Variants in FUT8 observed in about 807,000 individuals in gnomAD.
FUT8 encodes alpha-(1,6)-fucosyltransferase.
Under a neutral mutation model 71.3 loss-of-function variants are expected in FUT8, and 29 were observed. The observed-to-expected ratio is 0.41, with a 90% CI of 0.30 to 0.55. FUT8 has a LOEUF of 0.55. Ranked by LOEUF, FUT8 falls within the 20% of genes least tolerant of loss-of-function variation. The pLI is 0.34. For missense variants in FUT8, 544 were observed against 702.1 expected (o/e 0.77, Z 2.55); for synonymous variants, 254 against 239.3 (o/e 1.06, Z -0.57).
chr14:65,697,137 G>T (rs928297198), intron 7 of FUT8, among the ~76,000 whole-genome samples: 2 of 152,144 alleles, frequency 1.3e-5, no homozygotes, highest in African/African-American at 4.8e-5. Flanking sequence ...TGAGGTATTG[G>T]ATAAAAAGGA....
At chr14:65,724,397 CT>C in intron 9 of FUT8, 74 bp downstream of exon 9, 1 of 913,894 alleles carries the variant, frequency 1.1e-6, no homozygotes, top group Non-Finnish European at 1.6e-6. Flanking sequence ...CTTCCCATGA[CT>C]TGTGATTTTT....
intron 2 of FUT8, among the ~76,000 whole-genome samples, chr14:65,534,131 C>G (rs964353770): frequency 6.8e-6 from 1 of 148,054 alleles, no homozygotes; most frequent in Non-Finnish European, 1.5e-5. Flanking sequence ...TTTTTTTTGT[C>G]TTTGTTTTTT....
chr14:65,530,241 A>G (rs1883849991), intron 2 of FUT8, among the ~76,000 whole-genome samples: 2 of 152,252 alleles, frequency 1.3e-5, no homozygotes, highest in South Asian at 2.1e-4. Flanking sequence ...CCTACATACT[A>G]CAGTCCCAAA....
chr14:65,712,607 G>T (rs1894860687), intron 7 of FUT8, among the ~76,000 whole-genome samples: 2 of 152,104 alleles, frequency 1.3e-5, no homozygotes, highest in Admixed American at 6.5e-5. Flanking sequence ...ACCACACCCG[G>T]CTAATTTTTG....
At chr14:65,645,535 C>T (rs188198392) in intron 6 of FUT8, among the ~76,000 whole-genome samples, 1 of 152,230 alleles carries the variant, frequency 6.6e-6, no homozygotes, top group African/African-American at 2.4e-5. Flanking sequence ...ATTTGTGGTA[C>T]ATAACATTTG....
chr14:65,580,472 ATCTT>A (rs1169029398), intron 3 of FUT8, among the ~76,000 whole-genome samples: 1 of 151,900 alleles, frequency 6.6e-6, no homozygotes, highest in Non-Finnish European at 1.5e-5. Flanking sequence ...TGTATTTTCT[ATCTT>A]GTAGAAAATA....
intron 2 of FUT8, among the ~76,000 whole-genome samples, chr14:65,462,182 GA>G (rs903602722): frequency 6.6e-6 from 1 of 152,210 alleles, no homozygotes; most frequent in Non-Finnish European, 1.5e-5. Flanking sequence ...AAAGGGAATA[GA>G]AAATGCTTTA....
At chr14:65,625,386 C>A (rs58032513) in intron 5 of FUT8, among the ~76,000 whole-genome samples, 14,994 of 152,144 alleles carry the variant, frequency 0.099, 992 homozygotes, top group East Asian at 0.38. Flanking sequence ...ATACTGTAGT[C>A]TACATAATAG....
At chr14:65,631,675 A>C (rs1219999994) in intron 6 of FUT8, among the ~76,000 whole-genome samples, 2 of 151,660 alleles carry the variant, frequency 1.3e-5, no homozygotes, top group African/African-American at 4.8e-5. Flanking sequence ...GATAGGGACA[A>C]TCTCAGTAGA....
chr14:65,682,945 G>A (rs994941845), intron 7 of FUT8, among the ~76,000 whole-genome samples: 1 of 151,722 alleles, frequency 6.6e-6, no homozygotes, highest in Non-Finnish European at 1.5e-5. Flanking sequence ...CTTGCATTTT[G>A]TATTCAGTCT....
intron 2 of FUT8, among the ~76,000 whole-genome samples, chr14:65,465,334 A>G (rs2066026873): frequency 6.6e-6 from 1 of 151,774 alleles, no homozygotes; most frequent in Non-Finnish European, 1.5e-5. Flanking sequence ...ACATTTATTT[A>G]CTTACTTACT....
intron 7 of FUT8, among the ~76,000 whole-genome samples, chr14:65,690,680 G>A (rs1893531412): frequency 2.7e-5 from 4 of 148,122 alleles, no homozygotes. Context: ...GGTGGTGTGT[G>A]TTTTAAATTT....
At chr14:65,532,655 T>G (rs1884033301) in intron 2 of FUT8, among the ~76,000 whole-genome samples, 1 of 152,208 alleles carries the variant, frequency 6.6e-6, no homozygotes, top group Non-Finnish European at 1.5e-5. Flanking sequence ...GAGATCCCAT[T>G]TGTCAGTTTT....
At chr14:65,713,802 G>T (rs1336334243) in intron 7 of FUT8, among the ~76,000 whole-genome samples, 1 of 151,894 alleles carries the variant, frequency 6.6e-6, no homozygotes, top group African/African-American at 2.4e-5. Context: ...TGGGTAGTTT[G>T]CAAATATTTT....
At chr14:65,584,795 C>T (rs935739753) in intron 3 of FUT8, among the ~76,000 whole-genome samples, 2 of 152,184 alleles carry the variant, frequency 1.3e-5, no homozygotes, top group African/African-American at 2.4e-5. Flanking sequence ...TGTCATCTTT[C>T]AGTACTTAAC....
chr14:65,523,127 T>G (rs575985671), intron 2 of FUT8, among the ~76,000 whole-genome samples: 2 of 152,332 alleles, frequency 1.3e-5, no homozygotes, highest in Non-Finnish European at 2.9e-5. Flanking sequence ...TTTCTAGTTC[T>G]AGATCCTTGA....
At chr14:65,454,255 A>C (rs2065867422) in intron 1 of FUT8, among the ~76,000 whole-genome samples, 1 of 152,212 alleles carries the variant, frequency 6.6e-6, no homozygotes, top group South Asian at 2.1e-4. Flanking sequence ...TGGCTGTTTA[A>C]TAATTGTATG....
the FUT8 span, among the ~76,000 whole-genome samples, chr14:65,370,753 A>C: frequency 6.6e-6 from 1 of 152,104 alleles, no homozygotes; most frequent in Admixed American, 6.5e-5. Flanking sequence ...AATTAAGCTG[A>C]CAAAAAAACA....
At chr14:65,487,825 G>T (rs920167748) in intron 2 of FUT8, among the ~76,000 whole-genome samples, 1 of 152,120 alleles carries the variant, frequency 6.6e-6, no homozygotes, top group Non-Finnish European at 1.5e-5. Context: ...TCTTTGTGCA[G>T]TTTTTTCTTT....
Sources: gnomAD v4.1 joint callset for allele counts (sites outside exome capture counted in the v4.1 genomes callset) on GRCh38, gnomAD v4.1.1 for gene constraint, MANE v1.5 for transcripts, NCBI Gene and HGNC (gene_info 2026-07-23, HGNC 2026-07-21) for gene names.